The following SLC24A2 variants were observed in gnomAD, a reference collection of about 807,000 sequenced individuals.
SLC24A2 encodes the protein solute carrier family 24 member 2.
Under a neutral mutation model 62.0 loss-of-function variants are expected in SLC24A2, and 36 were observed. The ratio of observed to expected loss-of-function variants is 0.58; its 90% CI spans 0.44 to 0.77. SLC24A2 has a LOEUF of 0.77. SLC24A2 is among the 30% of genes least tolerant of loss of function. SLC24A2 has a pLI of 0.00. For missense variants in SLC24A2, 846 were observed against 817.9 expected (o/e 1.03, Z -0.42); for synonymous variants, 358 against 294.0 (o/e 1.22, Z -2.23).
the SLC24A2 span, among the ~76,000 whole-genome samples, chr9:19,946,920 G>T: frequency 6.6e-6 from 1 of 152,094 alleles, no homozygotes; most frequent in East Asian, 1.9e-4. Context: ...CTAATAAATA[G>T]CTTTCTTCTA....
chr9:20,238,885 A>G, the SLC24A2 span, among the ~76,000 whole-genome samples: 1 of 152,188 alleles, frequency 6.6e-6, no homozygotes, highest in Non-Finnish European at 1.5e-5. Flanking sequence ...AAGAAGAGGA[A>G]AAGAGAGATC....
the SLC24A2 span, among the ~76,000 whole-genome samples, chr9:19,979,823 A>G: frequency 6.6e-6 from 1 of 152,176 alleles, no homozygotes; most frequent in Non-Finnish European, 1.5e-5. Flanking sequence ...TTAAATCTTG[A>G]CTTTGTCACT....
chr9:19,993,778 T>C, the SLC24A2 span, among the ~76,000 whole-genome samples: 2 of 152,120 alleles, frequency 1.3e-5, no homozygotes, highest in African/African-American at 4.8e-5. Context: ...AAAATGTTAG[T>C]CCCTCGAGAA....
chr9:19,821,237 T>C, the SLC24A2 span, among the ~76,000 whole-genome samples: 9 of 152,180 alleles, frequency 5.9e-5, no homozygotes, highest in African/African-American at 2.2e-4. Flanking sequence ...GGGGTAAAAA[T>C]GGAATTTGAT....
chr9:19,561,875 G>T (rs1280227553), intron 7 of SLC24A2, among the ~76,000 whole-genome samples: 1 of 152,144 alleles, frequency 6.6e-6, no homozygotes. Context: ...ACATGAGAAG[G>T]TTTCACTCAG....
the SLC24A2 span, among the ~76,000 whole-genome samples, chr9:19,921,629 A>T: frequency 6.6e-6 from 1 of 152,156 alleles, no homozygotes; most frequent in Non-Finnish European, 1.5e-5. Flanking sequence ...GCATACAGAG[A>T]AAAATGTATT....
At chr9:20,146,332 T>C in the SLC24A2 span, among the ~76,000 whole-genome samples, 1 of 152,178 alleles carries the variant, frequency 6.6e-6, no homozygotes, top group African/African-American at 2.4e-5. Flanking sequence ...GTCTCTGACA[T>C]CAGGTGTCTT....
the SLC24A2 span, among the ~76,000 whole-genome samples, chr9:19,975,170 C>T: frequency 1.8e-4 from 28 of 152,166 alleles, no homozygotes; most frequent in South Asian, 6.2e-4. Context: ...ATTTAAAGGT[C>T]TGTGATATTT....
At chr9:19,549,904 G>C (rs1240075347) in intron 8 of SLC24A2, among the ~76,000 whole-genome samples, 2 of 152,206 alleles carry the variant, frequency 1.3e-5, no homozygotes, top group East Asian at 1.9e-4. Flanking sequence ...CAATCAGTGT[G>C]ATTGTGTGTC....
At chr9:19,880,825 A>G in the SLC24A2 span, among the ~76,000 whole-genome samples, 1 of 152,172 alleles carries the variant, frequency 6.6e-6, no homozygotes, top group Admixed American at 6.5e-5. Context: ...TTTTCAATGT[A>G]CAAATCTTGA....
At chr9:20,228,755 C>G in the SLC24A2 span, among the ~76,000 whole-genome samples, 1 of 152,078 alleles carries the variant, frequency 6.6e-6, no homozygotes, top group Non-Finnish European at 1.5e-5. Flanking sequence ...CCTTCCTAAT[C>G]CATGTGTAGC....
At chr9:19,644,157 A>G (rs1012562942) in intron 2 of SLC24A2, among the ~76,000 whole-genome samples, 24 of 152,294 alleles carry the variant, frequency 1.6e-4, no homozygotes, top group African/African-American at 5.5e-4. Context: ...AATAAGGTGG[A>G]GTGTTAGAAA....
the SLC24A2 span, among the ~76,000 whole-genome samples, chr9:19,845,109 T>C: frequency 6.6e-6 from 1 of 152,310 alleles, no homozygotes; most frequent in Admixed American, 6.5e-5. Context: ...TTGGGCAGTA[T>C]GACCACCTTA....
At chr9:19,546,545 C>G (rs1321912601) in intron 8 of SLC24A2, among the ~76,000 whole-genome samples, 1 of 152,166 alleles carries the variant, frequency 6.6e-6, no homozygotes, top group East Asian at 1.9e-4. Context: ...CCCCACCAAG[C>G]TTGAGCATCC....
At chr9:19,851,453 GT>G in the SLC24A2 span, among the ~76,000 whole-genome samples, 3 of 152,064 alleles carry the variant, frequency 2.0e-5, no homozygotes, top group Admixed American at 6.6e-5. Flanking sequence ...GGTATTACTA[GT>G]TATTTGTCCT....
At chr9:19,774,519 A>G (rs1206817939) in intron 2 of SLC24A2, among the ~76,000 whole-genome samples, 2 of 152,172 alleles carry the variant, frequency 1.3e-5, no homozygotes, top group East Asian at 3.9e-4. Flanking sequence ...GGTTCAATAT[A>G]TATTTGGTTG....
chr9:19,799,945 G>A, the SLC24A2 span, among the ~76,000 whole-genome samples: 5 of 152,154 alleles, frequency 3.3e-5, no homozygotes, highest in African/African-American at 9.7e-5. Context: ...CATGGTTAAG[G>A]CTCCAGGGGA....
At chr9:19,678,434 T>C (rs995118508) in intron 2 of SLC24A2, among the ~76,000 whole-genome samples, 2 of 152,224 alleles carry the variant, frequency 1.3e-5, no homozygotes, top group East Asian at 1.9e-4. Context: ...GGCAAACCCA[T>C]GAAATGATTA....
chr9:19,767,015 C>T (rs1246189525), intron 2 of SLC24A2, among the ~76,000 whole-genome samples: 1 of 152,174 alleles, frequency 6.6e-6, no homozygotes, highest in African/African-American at 2.4e-5. Context: ...TATAGAGAGG[C>T]AGTCTGGCTA....
Sources: gnomAD v4.1 joint callset for allele counts (sites outside exome capture counted in the v4.1 genomes callset) on GRCh38, gnomAD v4.1.1 for gene constraint, MANE v1.5 for transcripts, NCBI Gene and HGNC (gene_info 2026-07-23, HGNC 2026-07-21) for gene names.